DLGAP2: variants seen among roughly 807,000 people sequenced by gnomAD.
DLGAP2 encodes DLG associated protein 2.
In DLGAP2, 26 loss-of-function variants were observed where a neutral mutation model predicts 100.3. The observed-to-expected ratio is 0.26, with a 90% CI of 0.19 to 0.36. The LOEUF (loss-of-function observed/expected upper bound fraction) is 0.36. Ranked by LOEUF, DLGAP2 falls within the 10% of genes least tolerant of loss-of-function variation. DLGAP2 has a pLI of 1.00. For missense variants in DLGAP2, 1,858 were observed against 1,453.2 expected (o/e 1.28, Z -4.53); for synonymous variants, 886 against 630.1 (o/e 1.41, Z -6.08).
chr8:987,376 A>T (rs1800518409), intron 2 of DLGAP2, among the ~76,000 whole-genome samples: 3 of 152,094 alleles, frequency 2.0e-5, no homozygotes, highest in Admixed American at 2.0e-4. Context: ...CCTGGCTTGC[A>T]CACCTGTAGA....
intron 1 of DLGAP2, among the ~76,000 whole-genome samples, chr8:752,694 A>C (rs1820822292): frequency 6.6e-6 from 1 of 152,200 alleles, no homozygotes; most frequent in Non-Finnish European, 1.5e-5. Flanking sequence ...CATGGCGGCC[A>C]GGAGGCACTG....
At chr8:1,563,739 A>G (rs1441478458) in intron 5 of DLGAP2, among the ~76,000 whole-genome samples, 1 of 152,026 alleles carries the variant, frequency 6.6e-6, no homozygotes, top group Non-Finnish European at 1.5e-5. Flanking sequence ...GATCTGCCGG[A>G]GCACTGGTGT....
intron 1 of DLGAP2, among the ~76,000 whole-genome samples, chr8:801,275 A>G (rs1183130957): frequency 6.6e-6 from 1 of 152,248 alleles, no homozygotes; most frequent in Non-Finnish European, 1.5e-5. Context: ...GTTTAAGGAA[A>G]TAAGAAAAGC....
In DLGAP2 at chr8:1,168,699, A is replaced by G. The variant is rs561217198; in HGVS notation, c.74-90152A>G. Among the ~76,000 whole-genome samples, 254 of 145,122 alleles carry G rather than the reference A, an allele frequency of 1.8e-3. 4 individuals are homozygous for G. The highest frequency in any genetic ancestry group is 6.2e-3 in the African/African-American group (231 of 37,462). On this transcript the variant is annotated intron_variant, in intron 2 of 14. Coordinates refer to ENST00000637795, the MANE Select transcript of DLGAP2 (RefSeq NM_001346810.2). ...GTCTTCTTTTGAGAAGTGTCTGTTCATGTCCTTTGCCCACTTTTTGATGGG... is the reference window on the plus strand; with the variant it reads ...GTCTTCTTTTGAGAAGTGTCTGTTCGTGTCCTTTGCCCACTTTTTGATGGG...
intron 2 of DLGAP2, among the ~76,000 whole-genome samples, chr8:1,052,870 C>A (rs1481651103): frequency 6.6e-6 from 1 of 152,172 alleles, no homozygotes; most frequent in Non-Finnish European, 1.5e-5. Flanking sequence ...GGCTGCAATC[C>A]ATACCTGTAA....
chr8:870,265 T>G (rs928351644), intron 1 of DLGAP2, among the ~76,000 whole-genome samples: 3 of 152,214 alleles, frequency 2.0e-5, no homozygotes, highest in Non-Finnish European at 2.9e-5. Flanking sequence ...ACAAGTGCGG[T>G]TATTACAATC....
At chr8:910,962 T>C (rs763835526) in intron 2 of DLGAP2, among the ~76,000 whole-genome samples, 1 of 152,110 alleles carries the variant, frequency 6.6e-6, no homozygotes, top group Non-Finnish European at 1.5e-5. Context: ...GAGTTTCTGG[T>C]GGAACTCAAG....
chr8:1,060,742 G>C (rs976995215), intron 2 of DLGAP2, among the ~76,000 whole-genome samples: 5 of 152,188 alleles, frequency 3.3e-5, no homozygotes, highest in East Asian at 1.9e-4. Flanking sequence ...CCACATTTCA[G>C]GGCATCCTGT....
At position 1,626,629 on chromosome 8, in the gene DLGAP2, C is replaced by G. The variant is rs1052943284; in HGVS notation, c.1443-111C>G. ...GTGGGTTGGACGGTCGTTCCCACCT[C>G]TGCCCTGTGGTGGGTGCTCAGCCTC... On this transcript the variant is annotated intron_variant, in intron 6 of 14. Transcript: ENST00000637795. 5.0e-6 allele frequency: 7 copies of G among 1,397,110 alleles called. No homozygotes were observed. The South Asian group carries it at 6.7e-5, about 13-fold the overall frequency. The allele number at this position is 1,397,110 out of a possible 1,614,324, so 86.5% of individuals were successfully genotyped here. A position where few individuals can be genotyped will look rare whatever the true frequency, so the allele number is the denominator to read the frequency against.
At chr8:806,860 A>G (rs1796280255) in intron 1 of DLGAP2, among the ~76,000 whole-genome samples, 1 of 152,196 alleles carries the variant, frequency 6.6e-6, no homozygotes, top group Non-Finnish European at 1.5e-5. Flanking sequence ...TTAAATTATC[A>G]CCGATACAAA....
At chr8:1,632,550 T>G (rs768630094) in intron 7 of DLGAP2, among the ~76,000 whole-genome samples, 2 of 152,234 alleles carry the variant, frequency 1.3e-5, no homozygotes, top group Admixed American at 1.3e-4. Context: ...TCTTACACTT[T>G]GTAATAACTG....
chr8:971,497 G>A (rs555518483), intron 2 of DLGAP2, among the ~76,000 whole-genome samples: 5 of 152,216 alleles, frequency 3.3e-5, no homozygotes, highest in African/African-American at 9.6e-5. Flanking sequence ...AGCAGCCCCA[G>A]CTGGAGTCAG....
chr8:1,484,469 C>G (rs941462629), intron 3 of DLGAP2, among the ~76,000 whole-genome samples: 2 of 152,362 alleles, frequency 1.3e-5, no homozygotes, highest in East Asian at 3.9e-4. Context: ...ACGGCTCTGC[C>G]CCAGAGCGGT....
intron 2 of DLGAP2, among the ~76,000 whole-genome samples, chr8:1,195,339 A>T (rs890344012): frequency 3.9e-5 from 6 of 152,264 alleles, no homozygotes; most frequent in African/African-American, 1.2e-4. Flanking sequence ...TCTACCAGGC[A>T]TGGAGGCCTG....
At chr8:1,693,369 T>C (rs1799302614) in intron 13 of DLGAP2, among the ~76,000 whole-genome samples, 1 of 151,108 alleles carries the variant, frequency 6.6e-6, no homozygotes, top group Non-Finnish European at 1.5e-5. Flanking sequence ...ATATACTATA[T>C]ATTTGCCTAC....
At chr8:1,071,763 A>G (rs1471125466) in intron 2 of DLGAP2, among the ~76,000 whole-genome samples, 2 of 152,344 alleles carry the variant, frequency 1.3e-5, no homozygotes, top group African/African-American at 2.4e-5. Context: ...GTGTGTATAG[A>G]TAAATGTCAG....
intron 2 of DLGAP2, among the ~76,000 whole-genome samples, chr8:1,174,103 C>T (rs1585122285): frequency 6.6e-6 from 1 of 152,276 alleles, no homozygotes; most frequent in Middle Eastern, 3.4e-3. Context: ...TAAACAGTGA[C>T]AGAGGGCTCA....
intron 2 of DLGAP2, among the ~76,000 whole-genome samples, chr8:1,089,207 C>G (rs1331625698): frequency 6.6e-6 from 1 of 152,222 alleles, no homozygotes; most frequent in Admixed American, 6.5e-5. Flanking sequence ...TGCAATTGCT[C>G]TGGCCATAGT....
chr8:1,575,583 A>C (rs1465785808), intron 6 of DLGAP2, among the ~76,000 whole-genome samples: 3 of 149,344 alleles, frequency 2.0e-5, no homozygotes, highest in African/African-American at 7.4e-5. Flanking sequence ...CTCGTCATTT[A>C]CATTAGATAT....
Sources: allele counts gnomAD v4.1 joint callset (sites outside exome capture counted in the v4.1 genomes callset), GRCh38; gene constraint gnomAD v4.1.1; transcripts MANE v1.5; gene names NCBI Gene and HGNC (gene_info 2026-07-23, HGNC 2026-07-21).